Variants in POLR1C observed in about 807,000 individuals in gnomAD.
The protein encoded by POLR1C is DNA-directed RNA polymerases I and III subunit RPAC1.
A neutral mutation model predicts 38.3 loss-of-function variants in POLR1C; 42 were observed. That is an observed-to-expected ratio of 1.10 (90% confidence interval 0.86 to 1.42). The LOEUF is 1.42. Ranked by LOEUF, POLR1C falls within the 40% of genes most tolerant of loss-of-function variation. POLR1C has a pLI of 0.00. For missense variants in POLR1C, 507 were observed against 450.5 expected (o/e 1.13, Z -1.14); for synonymous variants, 163 against 163.9 (o/e 0.99, Z 0.04).
intron 9 of POLR1C, among the ~76,000 whole-genome samples, chr6:43,545,234 T>C (rs1406800921): frequency 6.6e-6 from 1 of 152,102 alleles, no homozygotes; most frequent in Non-Finnish European, 1.5e-5. Flanking sequence ...ACTCCAGCCC[T>C]CCAATTTGTC....
downstream of POLR1C, chr6:43,525,109 G>C (rs1202916482): frequency 1.3e-6 from 2 of 1,573,234 alleles, no homozygotes; most frequent in Middle Eastern, 1.7e-4. Context: ...AACCATACTT[G>C]TTTGAGGAGA....
At chr6:43,525,815 G>A (rs1382661667), downstream of POLR1C, 5 of 1,613,246 alleles carry the variant, frequency 3.1e-6, no homozygotes, top group Non-Finnish European at 4.2e-6. Flanking sequence ...AGGAGTAAAG[G>A]TATCACCTGC....
intron 7 of POLR1C, 70 bp from the exon 8 acceptor site, chr6:43,520,862 G>A (rs995232530): frequency 1.6e-5 from 25 of 1,599,738 alleles, no homozygotes; most frequent in Middle Eastern, 1.7e-4. Context: ...GCTCCTAAAA[G>A]TATAACCTGG....
intron 8 of POLR1C, chr6:43,528,795 C>A: frequency 6.3e-7 from 1 of 1,598,572 alleles, no homozygotes; most frequent in Non-Finnish European, 8.6e-7. Flanking sequence ...CTTAATAGTA[C>A]TCTTTGCTTC....
chr6:43,524,866 G>A, downstream of POLR1C: 5 of 1,613,934 alleles, frequency 3.1e-6, no homozygotes, highest in Non-Finnish European at 4.2e-6. Context: ...AGATGGACCA[G>A]GGAAGCCATG....
chr6:43,522,616 G>A, downstream of POLR1C: 1 of 389,782 alleles, frequency 2.6e-6, no homozygotes, highest in Non-Finnish European at 5.7e-6. Context: ...CCCAACTTCT[G>A]CTTCCCCAGC....
Position 43,560,087 on chromosome 6 carries a change from G to A in POLR1C, c.*49-1313G>A, listed in dbSNP as rs999943499. The A allele has an allele frequency of 3.4e-6, 5 of 1,459,454 alleles. No homozygotes were observed. The African/African-American group carries it at 7.0e-5, about 20-fold the overall frequency. The allele number at this position is 1,459,454 out of a possible 1,614,324, so 90.4% of individuals were successfully genotyped here. On this transcript the variant is annotated intron_variant, in intron 10 of 10. Coordinates refer to the POLR1C transcript ENST00000607635. Reference sequence around the variant, plus strand: ...TCCCGCCTCAGCCTTCCATAGAGCTGGGATTATAGGCGTGAGCCACCGCAC... The same window carrying A: ...TCCCGCCTCAGCCTTCCATAGAGCTAGGATTATAGGCGTGAGCCACCGCAC...
At chr6:43,560,400 A>T in intron 10 of POLR1C, 1 of 1,397,518 alleles carries the variant, frequency 7.2e-7, no homozygotes, top group Non-Finnish European at 9.5e-7. Context: ...TCATAGAAAT[A>T]AATCTGTACA....
chr6:43,537,140 C>CTTT (rs70990198), intron 9 of POLR1C, among the ~76,000 whole-genome samples: 30 of 137,178 alleles, frequency 2.2e-4, no homozygotes, highest in African/African-American at 6.9e-4. Flanking sequence ...ATAATTAAAA[C>CTTT]TTTTTTTTTT....
At chr6:43,548,559 C>T in intron 9 of POLR1C, 1 of 1,077,008 alleles carries the variant, frequency 9.3e-7, no homozygotes, top group South Asian at 2.1e-5. Flanking sequence ...AAAGCAGTCC[C>T]AGGAAAGTCA....
intron 10 of POLR1C, chr6:43,556,073 G>A: frequency 7.0e-7 from 1 of 1,436,546 alleles, no homozygotes. Flanking sequence ...CAAAGGAACT[G>A]TTTTGCAGAC....
intron 8 of POLR1C, chr6:43,528,683 A>G (rs1269205078): frequency 5.4e-6 from 4 of 740,726 alleles, no homozygotes; most frequent in African/African-American, 5.3e-5. Context: ...TACAGCAAGG[A>G]TAGTCAGCTG....
At chr6:43,534,880 C>T (rs1794219944) in intron 9 of POLR1C, among the ~76,000 whole-genome samples, 1 of 151,890 alleles carries the variant, frequency 6.6e-6, no homozygotes, top group Admixed American at 6.6e-5. Context: ...TGCGTGTAAT[C>T]CCAGTTACTT....
chr6:43,530,884 C>A, downstream of POLR1C: 1 of 1,539,876 alleles, frequency 6.5e-7, no homozygotes, highest in Non-Finnish European at 8.7e-7. Flanking sequence ...TACTGCCAGC[C>A]CTGTCCCATG....
chr6:43,530,849 T>C, downstream of POLR1C: 1 of 1,597,044 alleles, frequency 6.3e-7, no homozygotes, highest in Non-Finnish European at 8.5e-7. Flanking sequence ...AAAAGAGCAT[T>C]GAAAATGACA....
intron 10 of POLR1C, chr6:43,556,165 C>T (rs1762075639): frequency 1.7e-6 from 1 of 594,436 alleles, no homozygotes; most frequent in South Asian, 2.6e-5. Flanking sequence ...TCTCTGGAAA[C>T]TGTATTACCA....
chr6:43,532,142 G>A (rs151290389), downstream of POLR1C, among the ~76,000 whole-genome samples: 697 of 152,252 alleles, frequency 4.6e-3, 2 homozygotes, highest in Middle Eastern at 0.017. Context: ...ATAATGGCAT[G>A]GGGGTGTGTG....
downstream of POLR1C, chr6:43,533,748 C>T: frequency 2.4e-6 from 1 of 414,968 alleles, no homozygotes; most frequent in Non-Finnish European, 4.4e-6. Context: ...GGCAGGAAGA[C>T]TGCTTGAGTC....
rs1004141332 is a variant in POLR1C at position 43,517,346 on chromosome 6, A to G, written c.110A>G (p.Asp37Gly). 3 of 1,613,896 alleles carry G rather than the reference A, an allele frequency of 1.9e-6. No homozygotes were observed. Among genetic ancestry groups the G allele is most frequent in the Non-Finnish European group, 2.5e-6 (3 of 1,179,998 alleles). Residue 37 changes from aspartate to glycine, a missense_variant, in exon 2 of 9, where the codon GAT (aspartate) becomes GGT (glycine). Physicochemically the swap from Asp to Gly is moderately conservative, Grantham distance 94. Transcript: ENST00000642195. ...TDFPGNYSGY[D>G]DAWDQDRFEK... The stretch of plus-strand genomic sequence containing the variant: ...TTTCCCGGTAACTATTCCGGTTATG[A>G]TGATGCCTGGGACCAGGACCGCTTC...
Sources: allele counts gnomAD v4.1 joint callset (sites outside exome capture counted in the v4.1 genomes callset), GRCh38; gene constraint gnomAD v4.1.1; transcripts MANE v1.5; gene names NCBI Gene and HGNC (gene_info 2026-07-23, HGNC 2026-07-21).